The following ADK variants were observed in gnomAD, a reference collection of about 807,000 sequenced individuals.
ADK encodes the protein N6,N6-dimethyladenosine kinase.
Under a neutral mutation model 44.7 loss-of-function variants are expected in ADK, and 24 were observed. The ratio of observed to expected loss-of-function variants is 0.54; its 90% CI spans 0.39 to 0.76. The LOEUF is 0.76. ADK is among the 30% of genes least tolerant of loss of function. The probability of loss-of-function intolerance (pLI) is 0.00; values close to 1 mark genes in which losing one functional copy is unlikely to be tolerated. For missense variants in ADK, 321 were observed against 425.1 expected, an observed-to-expected ratio of 0.76 and a Z score of 2.15; for synonymous variants, 128 against 142.6, an observed-to-expected ratio of 0.90 and a Z score of 0.73.
intron 9 of ADK, among the ~76,000 whole-genome samples, chr10:74,643,933 A>T (rs941683873): frequency 2.6e-5 from 4 of 152,184 alleles, no homozygotes; most frequent in African/African-American, 9.7e-5. Flanking sequence ...CTCTTGACAG[A>T]CTGGGTTCCA....
Position 74,668,570 on chromosome 10 carries a change from T to A in ADK, c.878-1613T>A, listed in dbSNP as rs555091954. Among the ~76,000 whole-genome samples, 6 of 152,148 alleles carry A rather than the reference T, an allele frequency of 3.9e-5. No individual in the cohort carries two copies. In the South Asian group the frequency reaches 1.2e-3, roughly 32 times the overall value. On this transcript the variant is annotated intron_variant, in intron 9 of 10. Transcript: ENST00000539909. The stretch of plus-strand genomic sequence containing the variant: ...TGGCCAACATGGCAAAACCTATCTC[T>A]ACTAAAAATACAAAAATTAGCTGGG...
At chr10:74,246,562 G>C (rs1170627195) in intron 3 of ADK, among the ~76,000 whole-genome samples, 1 of 152,174 alleles carries the variant, frequency 6.6e-6, no homozygotes, top group African/African-American at 2.4e-5. Context: ...TCAGATTAGG[G>C]ATTAAAACAG....
At chr10:74,615,480 C>G (rs181124375) in intron 9 of ADK, among the ~76,000 whole-genome samples, 192 of 152,218 alleles carry the variant, frequency 1.3e-3, no homozygotes, top group Non-Finnish European at 1.1e-3. Flanking sequence ...TTTTTCAGCT[C>G]CGGATTTGCA....
chr10:74,264,962 T>C (rs1846162968), intron 3 of ADK, among the ~76,000 whole-genome samples: 1 of 152,166 alleles, frequency 6.6e-6, no homozygotes, highest in African/African-American at 2.4e-5. Flanking sequence ...TTTTCCTTTT[T>C]GTCAAAGTAC....
At chr10:74,437,028 T>G (rs559975898) in intron 6 of ADK, among the ~76,000 whole-genome samples, 1 of 151,898 alleles carries the variant, frequency 6.6e-6, no homozygotes, top group South Asian at 2.1e-4. Flanking sequence ...CAGAAAGTAA[T>G]GAAATAGAAA....
intron 3 of ADK, among the ~76,000 whole-genome samples, chr10:74,263,602 G>A (rs7919277): frequency 1.3e-5 from 2 of 152,002 alleles, no homozygotes; most frequent in South Asian, 2.1e-4. Context: ...TACATCTGGG[G>A]TTCTCTGTAT....
At chr10:74,662,342 A>G (rs951227345) in intron 9 of ADK, among the ~76,000 whole-genome samples, 1 of 152,174 alleles carries the variant, frequency 6.6e-6, no homozygotes, top group Non-Finnish European at 1.5e-5. Flanking sequence ...GAGCAGTGGC[A>G]CAATCATAGC....
chr10:74,700,331 C>T (rs915574758), intron 10 of ADK, among the ~76,000 whole-genome samples: 1 of 152,182 alleles, frequency 6.6e-6, no homozygotes, highest in Non-Finnish European at 1.5e-5. Flanking sequence ...CAACCTCTGC[C>T]TCCTGGGTTC....
At chr10:74,219,933 T>G (rs11000927) in intron 2 of ADK, among the ~76,000 whole-genome samples, 99,960 of 138,030 alleles carry the variant, frequency 0.72, 36,936 homozygotes, top group Middle Eastern at 0.84. Flanking sequence ...ATCCAAAATT[T>G]ACACCCTAAC....
At chr10:74,577,771 A>G (rs1851246428) in intron 7 of ADK, among the ~76,000 whole-genome samples, 1 of 152,188 alleles carries the variant, frequency 6.6e-6, no homozygotes, top group African/African-American at 2.4e-5. Context: ...GCCAAAGAGT[A>G]GTAGACCTTT....
At chr10:74,450,337 C>T (rs574379920) in intron 6 of ADK, among the ~76,000 whole-genome samples, 1 of 152,206 alleles carries the variant, frequency 6.6e-6, no homozygotes, top group Admixed American at 6.5e-5. Flanking sequence ...TACAGCAATA[C>T]AGCCCCAATT....
At chr10:74,488,329 A>G (rs1377712097) in intron 6 of ADK, among the ~76,000 whole-genome samples, 1 of 151,348 alleles carries the variant, frequency 6.6e-6, no homozygotes, top group Non-Finnish European at 1.5e-5. Context: ...TAATAGGGTC[A>G]TAATGTCTGC....
chr10:74,666,836 T>C (rs1383026609), intron 9 of ADK, among the ~76,000 whole-genome samples: 1 of 149,424 alleles, frequency 6.7e-6, no homozygotes, highest in Non-Finnish European at 1.5e-5. Context: ...GTGACTTTTT[T>C]TTTTTTTTTT....
Position 74,532,816 on chromosome 10 carries a change from C to T in ADK, c.726+7390C>T, listed in dbSNP as rs183737518. Among the ~76,000 whole-genome samples, 8 of 148,096 alleles carry T rather than the reference C, an allele frequency of 5.4e-5. No homozygotes were observed. In the East Asian group the frequency reaches 1.2e-3, roughly 22 times the overall value. The stretch of plus-strand genomic sequence containing the variant: ...CTTGGGAGGCTGAGGCAGGAGAACC[C>T]GGGAGGCTGACCTGAGGCAGGAGAA... On this transcript the variant is annotated intron_variant, in intron 7 of 10. Transcript: ENST00000539909.
At chr10:74,700,749 G>C (rs180773158) in intron 10 of ADK, among the ~76,000 whole-genome samples, 5 of 152,186 alleles carry the variant, frequency 3.3e-5, no homozygotes, top group African/African-American at 9.6e-5. Flanking sequence ...GGGATGGTGA[G>C]GAGGACATGG....
intron 10 of ADK, among the ~76,000 whole-genome samples, chr10:74,695,192 A>C (rs1223730690): frequency 6.6e-6 from 1 of 152,106 alleles, no homozygotes. Flanking sequence ...TATCATTTTT[A>C]CTTCAGTAAG....
chr10:74,216,172 C>T (rs1436459333), intron 2 of ADK, among the ~76,000 whole-genome samples: 1 of 152,082 alleles, frequency 6.6e-6, no homozygotes, highest in African/African-American at 2.4e-5. Flanking sequence ...AACATGCATA[C>T]ATTATGAAGG....
intron 6 of ADK, chr10:74,509,294 G>A (rs1221683300): frequency 6.6e-6 from 1 of 152,062 alleles, no homozygotes; most frequent in Non-Finnish European, 1.5e-5. Flanking sequence ...CTGGGTTCAA[G>A]CGATTCTCCT....
At chr10:74,653,877 A>G (rs1854377585) in intron 9 of ADK, among the ~76,000 whole-genome samples, 6 of 152,198 alleles carry the variant, frequency 3.9e-5, no homozygotes, top group Admixed American at 3.9e-4. Flanking sequence ...CTTTAATTTT[A>G]TTGTACAGTA....
Sources: allele counts gnomAD v4.1 joint callset (sites outside exome capture counted in the v4.1 genomes callset), GRCh38; gene constraint gnomAD v4.1.1; transcripts MANE v1.5; gene names NCBI Gene and HGNC (gene_info 2026-07-23, HGNC 2026-07-21).